USP48: variants seen among roughly 807,000 people sequenced by gnomAD.
USP48 encodes ubiquitin carboxyl-terminal hydrolase 48.
A neutral mutation model predicts 150.7 loss-of-function variants in USP48; 43 were observed. That is an observed-to-expected ratio of 0.29 (90% CI 0.22 to 0.37). USP48 has a LOEUF of 0.37. Among genes scored for constraint, USP48 ranks in the 10% least tolerant of loss-of-function variants. USP48 has a pLI of 1.00. For synonymous variants in USP48, 396 were observed against 425.9 expected, an observed-to-expected ratio of 0.93 and a Z score of 0.86; for missense variants, 813 against 1,249.6, an observed-to-expected ratio of 0.65 and a Z score of 5.27.
At chr1:21,711,590 T>C (rs2097690374) in intron 15 of USP48, among the ~76,000 whole-genome samples, 1 of 152,158 alleles carries the variant, frequency 6.6e-6, no homozygotes, top group Non-Finnish European at 1.5e-5. Context: ...AGGTCTGAAT[T>C]TTCCAGGCAG....
intron 9 of USP48, among the ~76,000 whole-genome samples, chr1:21,732,201 C>T (rs2097758508): frequency 6.6e-6 from 1 of 152,118 alleles, no homozygotes; most frequent in Admixed American, 6.6e-5. Context: ...ACTGCTTGAA[C>T]CCAGAAGGCG....
At chr1:21,685,894 A>G (rs544186195) in intron 25 of USP48, 2 of 145,844 alleles carry the variant, frequency 1.4e-5, no homozygotes, top group Non-Finnish European at 2.9e-5. Context: ...AGGTGGCCAG[A>G]TCACAGGGGG....
chr1:21,696,008 G>A lies in USP48; in HGVS notation c.2728-787C>T, dbSNP rs187007904. Among the ~76,000 whole-genome samples the A allele has an allele frequency of 1.2e-3, 187 of 152,138 alleles. 1 individual carries two copies. The highest frequency in any genetic ancestry group is 1.2e-3 in the Non-Finnish European group (84 of 68,006). On this transcript the variant is annotated intron_variant, in intron 22 of 26. Transcript: ENST00000308271. Reference sequence around the variant, plus strand: ...TACTGGAATGTAATCAAACATTTACGCCCACCTTTCAATTTACAGAAATTG... The same window carrying A: ...TACTGGAATGTAATCAAACATTTACACCCACCTTTCAATTTACAGAAATTG...
intron 14 of USP48, among the ~76,000 whole-genome samples, chr1:21,718,747 G>A (rs943356445): frequency 1.3e-5 from 2 of 151,822 alleles, no homozygotes; most frequent in African/African-American, 4.8e-5. Flanking sequence ...TAGTAGAGAA[G>A]GGGTTTCACC....
chr1:21,712,871 G>A (rs979392269), intron 15 of USP48, among the ~76,000 whole-genome samples: 4 of 151,666 alleles, frequency 2.6e-5, no homozygotes, highest in Non-Finnish European at 5.9e-5. Context: ...CAACTGATCC[G>A]CCTGCCTCAG....
At chr1:21,686,934 G>T in intron 25 of USP48, 1 of 496,344 alleles carries the variant, frequency 2.0e-6, no homozygotes. Context: ...ATCTGACTTA[G>T]TTTTGCTTCT....
chr1:21,681,896 C>G (rs944297192), intron 25 of USP48, among the ~76,000 whole-genome samples: 1 of 152,220 alleles, frequency 6.6e-6, no homozygotes, highest in Non-Finnish European at 1.5e-5. Flanking sequence ...TGAAGACAGT[C>G]ATCATCCCTT....
chr1:21,783,090 A>G lies in USP48; in HGVS notation c.-133T>C. ...GCTCCTTCAGGCAGCTGGCCAGTCA[A>G]TCACCTGTGCGCGCCACTGCCGCCG... On this transcript the variant is annotated 5_prime_UTR_variant, in exon 1 of 27. Coordinates refer to ENST00000308271, the MANE Select transcript of USP48 (RefSeq NM_032236.8). 1.6e-6 allele frequency: 2 copies of G among 1,287,108 alleles called. No individual in the cohort carries two copies. Among genetic ancestry groups the G allele is most frequent in the Non-Finnish European group, 2.0e-6 (2 of 995,336 alleles). 79.7% of individuals were successfully genotyped at this position (1,287,108 alleles called of 1,614,324 possible).
intron 11 of USP48, among the ~76,000 whole-genome samples, chr1:21,727,270 C>T (rs2097740866): frequency 6.6e-6 from 1 of 152,108 alleles, no homozygotes; most frequent in Non-Finnish European, 1.5e-5. Flanking sequence ...ACAGCGTGGA[C>T]TGTCTACAAT....
chr1:21,729,269 G>A (rs1339685881), intron 10 of USP48, among the ~76,000 whole-genome samples: 2 of 146,342 alleles, frequency 1.4e-5, no homozygotes, highest in African/African-American at 2.6e-5. Flanking sequence ...GCGAAAGAAT[G>A]AGACTCCGCC....
chr1:21,714,468 G>A (rs2097698944), intron 15 of USP48, among the ~76,000 whole-genome samples: 1 of 152,008 alleles, frequency 6.6e-6, no homozygotes, highest in African/African-American at 2.4e-5. Context: ...TTGCTGTGTT[G>A]CCCAGACTGG....
chr1:21,706,914 A>G, intron 15 of USP48, 46 bp from the exon 16 acceptor site: 2 of 1,554,548 alleles, frequency 1.3e-6, no homozygotes. Flanking sequence ...ACAGCTGAAA[A>G]AAAGTCATTA....
At chr1:21,683,048 G>A (rs1250706173) in intron 25 of USP48, among the ~76,000 whole-genome samples, 6 of 151,994 alleles carry the variant, frequency 3.9e-5, no homozygotes, top group African/African-American at 1.2e-4. Context: ...ATCACCTGAC[G>A]ACAGGAATTT....
intron 8 of USP48, among the ~76,000 whole-genome samples, chr1:21,737,443 CT>C (rs2097771161): frequency 6.6e-6 from 1 of 152,082 alleles, no homozygotes; most frequent in Admixed American, 6.6e-5. Flanking sequence ...AAATCATAGC[CT>C]ATATTTTACA....
rs1221967137 is a variant in USP48, at chr1:21,723,958, T to C, written c.1588A>G (p.Ile530Val). ...AAAATGTCAGCTGCATATTCAGATA[T>C]CCTCTTCATAATTGATATTTTATCC... ...HPDKISIMKRISEYAADIFYS... is the reference protein window; with the variant it reads ...HPDKISIMKRVSEYAADIFYS... Residue 530 changes from isoleucine (I) to valine (V), a missense_variant, in exon 12 of 27, where the codon ATA (isoleucine) becomes GTA (valine). Physicochemically the swap from Ile to Val is conservative, Grantham distance 29. Coordinates refer to ENST00000308271, the MANE Select transcript of USP48 (RefSeq NM_032236.8). The C allele has an allele frequency of 1.2e-6, 2 of 1,614,150 alleles. No individual in the cohort carries two copies. Among genetic ancestry groups the C allele is most frequent in the Non-Finnish European group, 1.7e-6 (2 of 1,180,024 alleles).
chr1:21,695,439 T>G (rs1244951677), intron 22 of USP48, among the ~76,000 whole-genome samples: 2 of 152,218 alleles, frequency 1.3e-5, no homozygotes, highest in Admixed American at 1.3e-4. Context: ...TCTAAGTGCA[T>G]GTAAGCAGTT....
intron 22 of USP48, among the ~76,000 whole-genome samples, chr1:21,699,264 T>G (rs890896649): frequency 6.8e-6 from 1 of 146,012 alleles, no homozygotes; most frequent in African/African-American, 2.5e-5. Context: ...AGTGGCGAGA[T>G]CACGGCTCAC....
At chr1:21,713,633 C>T (rs1571821339) in intron 15 of USP48, among the ~76,000 whole-genome samples, 1 of 152,170 alleles carries the variant, frequency 6.6e-6, no homozygotes, top group Admixed American at 6.5e-5. Context: ...GCCACAGATG[C>T]TTCAACTCTC....
intron 14 of USP48, among the ~76,000 whole-genome samples, chr1:21,716,135 A>G (rs1472062482): frequency 6.6e-6 from 1 of 152,138 alleles, no homozygotes; most frequent in African/African-American, 2.4e-5. Flanking sequence ...TATAGATCTT[A>G]GTAACCTCAG....
Sources: gnomAD v4.1 joint callset for allele counts (sites outside exome capture counted in the v4.1 genomes callset) on GRCh38, gnomAD v4.1.1 for gene constraint, MANE v1.5 for transcripts, NCBI Gene and HGNC (gene_info 2026-07-23, HGNC 2026-07-21) for gene names.